RALYL: variants seen among roughly 807,000 people sequenced by gnomAD.
RALYL encodes the protein RALY RNA binding protein like.
In RALYL, 29 loss-of-function variants were observed where a neutral mutation model predicts 35.1. That is an observed-to-expected ratio of 0.83 (90% CI 0.61 to 1.13). The LOEUF is 1.13. RALYL is among the 50% of genes most tolerant of loss of function. RALYL has a pLI of 0.00. For synonymous variants in RALYL, 120 were observed against 127.6 expected, an observed-to-expected ratio of 0.94 and a Z score of 0.40; for missense variants, 359 against 360.4, an observed-to-expected ratio of 1.00 and a Z score of 0.03.
chr8:84,802,197 C>T (rs1433115118), intron 3 of RALYL, among the ~76,000 whole-genome samples: 2 of 152,102 alleles, frequency 1.3e-5, no homozygotes, highest in Non-Finnish European at 2.9e-5. Context: ...GCTTTATTTA[C>T]GGACACTGAA....
At chr8:84,675,954 TA>T (rs1473943139) in intron 2 of RALYL, among the ~76,000 whole-genome samples, 2 of 152,140 alleles carry the variant, frequency 1.3e-5, no homozygotes, top group Non-Finnish European at 2.9e-5. Flanking sequence ...GAATCTTAAC[TA>T]AAAAGAGAAC....
intron 1 of RALYL, among the ~76,000 whole-genome samples, chr8:84,406,849 C>T (rs1431922132): frequency 1.3e-5 from 2 of 152,014 alleles, no homozygotes; most frequent in Non-Finnish European, 2.9e-5. Flanking sequence ...GTCAAAACTT[C>T]TAATTCTCAA....
At chr8:84,238,197 GT>G (rs1827038174) in intron 1 of RALYL, among the ~76,000 whole-genome samples, 1 of 151,980 alleles carries the variant, frequency 6.6e-6, no homozygotes, top group Non-Finnish European at 1.5e-5. Context: ...GTACACATTT[GT>G]TTTCAGACAG....
intron 7 of RALYL, among the ~76,000 whole-genome samples, chr8:84,881,091 G>C (rs541309609): frequency 6.6e-4 from 100 of 151,632 alleles, no homozygotes; most frequent in African/African-American, 2.2e-3. Flanking sequence ...AACAATCTAG[G>C]GTATTTCATG....
rs566313553 is a variant in RALYL at position 84,633,388 on chromosome 8, A to C, written c.256+103811A>C. ...TCCTTTCCCCCCTGACTTTAAAAAA[A>C]AATTTTTAGCTGCACAATTTAAAAT... is the stretch of plus-strand genomic sequence containing the variant. On this transcript the variant is annotated intron_variant, in intron 2 of 8. Coordinates refer to ENST00000521268, the MANE Select transcript of RALYL (RefSeq NM_173848.7). 4.2e-4 allele frequency among the ~76,000 whole-genome samples: 64 copies of C among 151,980 alleles called. 1 individual carries two copies. Among genetic ancestry groups the C allele is most frequent in the Middle Eastern group, 3.4e-3 (1 of 294 alleles).
intron 2 of RALYL, among the ~76,000 whole-genome samples, chr8:84,668,824 A>G (rs1832604903): frequency 6.6e-6 from 1 of 152,186 alleles, no homozygotes; most frequent in South Asian, 2.1e-4. Flanking sequence ...AAGGATATTA[A>G]AGGATTTTTT....
intron 4 of RALYL, among the ~76,000 whole-genome samples, chr8:84,839,092 A>G (rs1019037402): frequency 3.9e-5 from 6 of 152,236 alleles, no homozygotes; most frequent in African/African-American, 7.2e-5. Context: ...TACCAGGTTC[A>G]TCTCACTGGA....
intron 1 of RALYL, among the ~76,000 whole-genome samples, chr8:84,235,767 CTTTTTTT>C (rs556495836): frequency 3.2e-5 from 4 of 126,936 alleles, no homozygotes; most frequent in African/African-American, 1.2e-4. Flanking sequence ...TTTTCTTTTT[CTTTTTTT>C]TTTTTTTTTT....
chr8:84,405,720 T>G (rs1427663845), intron 1 of RALYL, among the ~76,000 whole-genome samples: 1 of 152,054 alleles, frequency 6.6e-6, no homozygotes, highest in Non-Finnish European at 1.5e-5. Flanking sequence ...TCAAATACAC[T>G]AATATATTTT....
intron 2 of RALYL, among the ~76,000 whole-genome samples, chr8:84,629,745 A>G (rs1823525445): frequency 6.6e-6 from 1 of 152,016 alleles, no homozygotes; most frequent in African/African-American, 2.4e-5. Flanking sequence ...TATGCACTAC[A>G]ATACTGAAAG....
intron 2 of RALYL, among the ~76,000 whole-genome samples, chr8:84,664,569 A>G (rs1041728177): frequency 4.6e-5 from 7 of 151,592 alleles, no homozygotes; most frequent in Middle Eastern, 3.2e-3. Context: ...ATTCCTAGGT[A>G]TTTTATTATT....
chr8:84,650,235 A>G (rs1454521054), intron 2 of RALYL, among the ~76,000 whole-genome samples: 3 of 152,054 alleles, frequency 2.0e-5, no homozygotes, highest in Non-Finnish European at 4.4e-5. Flanking sequence ...AAACAGGGAC[A>G]ATTTGACTTC....
chr8:84,213,841 T>G (rs10111724), intron 1 of RALYL, among the ~76,000 whole-genome samples: 37,852 of 152,160 alleles, frequency 0.25, 4,867 homozygotes, highest in Non-Finnish European at 0.27. Flanking sequence ...ATGTATGCAA[T>G]AACGATCAAT....
Position 84,772,381 on chromosome 8 carries a change from C to T in RALYL, c.257-2198C>T, listed in dbSNP as rs533353423. On this transcript the variant is annotated intron_variant, in intron 2 of 8. Transcript: ENST00000521268. ...CAGAATCAGCTTGTCAAGCTTCAGG[C>T]ATATACATAAAAAATATTGGGGATT... is the stretch of plus-strand genomic sequence containing the variant. Among the ~76,000 whole-genome samples, 279 of 152,002 alleles carry T rather than the reference C, an allele frequency of 1.8e-3. 1 individual carries two copies. Among genetic ancestry groups the T allele is most frequent in the Non-Finnish European group, 2.8e-3 (192 of 67,896 alleles).
chr8:84,654,086 C>A (rs911034799), intron 2 of RALYL, among the ~76,000 whole-genome samples: 11 of 147,838 alleles, frequency 7.4e-5, no homozygotes, highest in African/African-American at 2.7e-4. Flanking sequence ...CACACACACA[C>A]AAATATATAT....
chr8:84,214,395 C>A (rs545919089), intron 1 of RALYL, among the ~76,000 whole-genome samples: 1 of 152,056 alleles, frequency 6.6e-6, no homozygotes, highest in East Asian at 1.9e-4. Flanking sequence ...AGTCTTTATG[C>A]TTTATCAAAT....
At chr8:84,452,554 G>T (rs2049617129) in intron 1 of RALYL, among the ~76,000 whole-genome samples, 1 of 151,748 alleles carries the variant, frequency 6.6e-6, no homozygotes, top group Admixed American at 6.6e-5. Context: ...CAATATAAGG[G>T]TGACACATTT....
chr8:84,691,727 G>T (rs1312479125), intron 2 of RALYL, among the ~76,000 whole-genome samples: 2 of 151,854 alleles, frequency 1.3e-5, no homozygotes, highest in African/African-American at 4.8e-5. Flanking sequence ...TGGAGGAAAG[G>T]GAGGAAAGGG....
chr8:84,489,128 T>C (rs1564020721), intron 1 of RALYL, among the ~76,000 whole-genome samples: 1 of 152,054 alleles, frequency 6.6e-6, no homozygotes, highest in Non-Finnish European at 1.5e-5. Context: ...TAGAGTTTCC[T>C]ATCAAATATG....
Sources: allele counts gnomAD v4.1 joint callset (sites outside exome capture counted in the v4.1 genomes callset), GRCh38; gene constraint gnomAD v4.1.1; transcripts MANE v1.5; gene names NCBI Gene and HGNC (gene_info 2026-07-23, HGNC 2026-07-21).